GABRB3: variants seen among roughly 807,000 people sequenced by gnomAD.
GABRB3 encodes the protein gamma-aminobutyric acid type A receptor subunit beta3, also known as gamma-aminobutyric acid receptor subunit beta-3.
In GABRB3, 14 loss-of-function variants were observed where a neutral mutation model predicts 52.1. The observed-to-expected ratio is 0.27, with a 90% CI of 0.18 to 0.42. GABRB3 has a LOEUF of 0.42. Ranked by LOEUF, GABRB3 falls within the 10% of genes least tolerant of loss-of-function variation. The pLI, the probability that GABRB3 is intolerant of heterozygous loss-of-function variation, is 1.00. For synonymous variants in GABRB3, 260 were observed against 232.3 expected (o/e 1.12, Z -1.08); for missense variants, 307 against 609.1 (o/e 0.50, Z 5.22).
intron 3 of GABRB3, among the ~76,000 whole-genome samples, chr15:26,672,340 G>T (rs1383778939): frequency 1.3e-5 from 2 of 152,154 alleles, no homozygotes; most frequent in Non-Finnish European, 2.9e-5. Flanking sequence ...GAGCAGAGAA[G>T]TCAGCGCCAC....
At chr15:26,624,706 G>C in intron 3 of GABRB3, 1 of 984,366 alleles carries the variant, frequency 1.0e-6, no homozygotes, top group Non-Finnish European at 1.2e-6. Flanking sequence ...TGTATGGCAA[G>C]GACTATCACA....
chr15:26,717,467 G>A (rs547769775), intron 3 of GABRB3, among the ~76,000 whole-genome samples: 3 of 152,346 alleles, frequency 2.0e-5, no homozygotes, highest in South Asian at 2.1e-4. Flanking sequence ...ACACATCCTA[G>A]CACTTCGATT....
At chr15:26,608,833 T>C (rs373723072) in intron 4 of GABRB3, among the ~76,000 whole-genome samples, 69 of 152,244 alleles carry the variant, frequency 4.5e-4, no homozygotes, top group African/African-American at 1.3e-3. Flanking sequence ...TAGGGAACCC[T>C]TGTACACTGT....
chr15:26,649,824 A>G (rs1430188758), intron 3 of GABRB3, among the ~76,000 whole-genome samples: 1 of 152,142 alleles, frequency 6.6e-6, no homozygotes, highest in Non-Finnish European at 1.5e-5. Context: ...ATGGAATCAT[A>G]GCTGTCTCTG....
chr15:26,624,470 A>C (rs1242586834), intron 3 of GABRB3: 1 of 985,296 alleles, frequency 1.0e-6, no homozygotes, highest in African/African-American at 1.7e-5. Flanking sequence ...AAGGGAGAGA[A>C]CTTGTCAGTC....
At chr15:26,713,288 A>G (rs1218132086) in intron 3 of GABRB3, among the ~76,000 whole-genome samples, 1 of 152,132 alleles carries the variant, frequency 6.6e-6, no homozygotes, top group Non-Finnish European at 1.5e-5. Flanking sequence ...TTTCCTCTTG[A>G]TAACCTTTTT....
intron 3 of GABRB3, among the ~76,000 whole-genome samples, chr15:26,712,700 G>C (rs1450738614): frequency 2.6e-5 from 4 of 152,162 alleles, no homozygotes; most frequent in Admixed American, 6.5e-5. Context: ...GTGTGTGGAA[G>C]GCACTGGAAA....
intron 3 of GABRB3, among the ~76,000 whole-genome samples, chr15:26,713,133 G>C (rs558595134): frequency 1.3e-5 from 2 of 152,146 alleles, no homozygotes; most frequent in Non-Finnish European, 1.5e-5. Flanking sequence ...GGAAACGGTC[G>C]GGGTCCTCCT....
At chr15:26,595,829 C>T (rs1410374098) in intron 4 of GABRB3, among the ~76,000 whole-genome samples, 1 of 152,164 alleles carries the variant, frequency 6.6e-6, no homozygotes, top group Non-Finnish European at 1.5e-5. Flanking sequence ...AGCATTCTTG[C>T]CTCTCCCTGA....
chr15:26,684,061 AG>A (rs1888325033), intron 3 of GABRB3, among the ~76,000 whole-genome samples: 2 of 152,234 alleles, frequency 1.3e-5, no homozygotes, highest in African/African-American at 4.8e-5. Flanking sequence ...GAGTGACAGC[AG>A]GTGGCACTTC....
At chr15:26,620,487 T>C (rs898144952) in intron 4 of GABRB3, among the ~76,000 whole-genome samples, 2 of 152,186 alleles carry the variant, frequency 1.3e-5, no homozygotes, top group Non-Finnish European at 2.9e-5. Context: ...GCTATCCACA[T>C]GTGTCCCACT....
chr15:26,598,807 G>A (rs1891484812), intron 4 of GABRB3, among the ~76,000 whole-genome samples: 1 of 152,198 alleles, frequency 6.6e-6, no homozygotes, highest in African/African-American at 2.4e-5. Context: ...AGAGGTCATA[G>A]TCACCAGCAA....
rs989212997 is a variant in GABRB3 at position 26,716,813 on chromosome 15, C to T, written c.240+55589G>A. On this transcript the variant is annotated intron_variant, in intron 3 of 8. Coordinates refer to ENST00000311550, the MANE Select transcript of GABRB3 (RefSeq NM_000814.6). ...CCCAGCTCTGAGGACCTCCACCCAA[C>T]CACAGCCCAGCTCTGAGGACCTCCA... 4.9e-3 allele frequency: 5,060 copies of T among 1,035,812 alleles called. 559 individuals carry two copies. The highest frequency in any genetic ancestry group is 0.042 in the African/African-American group (1,805 of 43,224). 64.2% of individuals were successfully genotyped at this position (1,035,812 alleles called of 1,614,324 possible).
intron 3 of GABRB3, among the ~76,000 whole-genome samples, chr15:26,695,369 A>G (rs1014541749): frequency 6.6e-6 from 1 of 152,194 alleles, no homozygotes; most frequent in Admixed American, 6.5e-5. Context: ...AAGAGCTGGA[A>G]GAAAGTCAGA....
chr15:26,586,101 C>T (rs950294413), intron 4 of GABRB3, among the ~76,000 whole-genome samples: 1 of 152,082 alleles, frequency 6.6e-6, no homozygotes, highest in African/African-American at 2.4e-5. Context: ...CAGGTTCACA[C>T]CATTCTCCTG....
chr15:26,699,641 CAAT>C (rs1281134092), intron 3 of GABRB3, among the ~76,000 whole-genome samples: 10 of 151,920 alleles, frequency 6.6e-5, no homozygotes, highest in African/African-American at 2.2e-4. Flanking sequence ...GAAATAAAAT[CAAT>C]AATATTTGAG....
At chr15:26,760,162 G>T (rs138490473) in intron 3 of GABRB3, among the ~76,000 whole-genome samples, 1 of 152,220 alleles carries the variant, frequency 6.6e-6, no homozygotes, top group South Asian at 2.1e-4. Flanking sequence ...GATGGGCTCC[G>T]TGCCACTGAC....
At chr15:26,719,787 G>A (rs1016153158) in intron 3 of GABRB3, among the ~76,000 whole-genome samples, 2 of 152,144 alleles carry the variant, frequency 1.3e-5, no homozygotes, top group African/African-American at 2.4e-5. Context: ...AGAGAAAGAT[G>A]AGAAACAGTT....
At chr15:26,772,380 C>T in intron 3 of GABRB3, 22 bp downstream of exon 3, 1 of 1,600,032 alleles carries the variant, frequency 6.2e-7, no homozygotes, top group Non-Finnish European at 8.5e-7. Context: ...TCAGGGACCG[C>T]CCTGGGAGGG....
Sources: allele counts gnomAD v4.1 joint callset (sites outside exome capture counted in the v4.1 genomes callset), GRCh38; gene constraint gnomAD v4.1.1; transcripts MANE v1.5; gene names NCBI Gene and HGNC (gene_info 2026-07-23, HGNC 2026-07-21).